HEMK2: variants seen among roughly 807,000 people sequenced by gnomAD.
HEMK2 encodes HemK methyltransferase 2, ETF1 glutamine and histone H4 lysine, also known as methyltransferase HEMK2.
chr21:28,705,866 AG>A, the HEMK2 span, among the ~76,000 whole-genome samples: 1 of 152,226 alleles, frequency 6.6e-6, no homozygotes, highest in Non-Finnish European at 1.5e-5. Flanking sequence ...ACAAAAATGC[AG>A]AGAAATGCAA....
chr21:28,669,602 C>T, the HEMK2 span, among the ~76,000 whole-genome samples: 1 of 152,174 alleles, frequency 6.6e-6, no homozygotes, highest in Non-Finnish European at 1.5e-5. Context: ...AACAGCTTTT[C>T]CTGGTAGCTG....
chr21:28,738,257 G>C, the HEMK2 span, among the ~76,000 whole-genome samples: 1 of 152,152 alleles, frequency 6.6e-6, no homozygotes, highest in South Asian at 2.1e-4. Flanking sequence ...AAGCAATAAA[G>C]CAGTGTTTCT....
chr21:28,815,989 G>GT, the HEMK2 span, among the ~76,000 whole-genome samples: 2 of 152,176 alleles, frequency 1.3e-5, no homozygotes, highest in African/African-American at 4.8e-5. Flanking sequence ...AGTGTGGGCT[G>GT]TAACACAATC....
the HEMK2 span, among the ~76,000 whole-genome samples, chr21:28,777,121 A>T: frequency 6.6e-6 from 1 of 152,238 alleles, no homozygotes; most frequent in Non-Finnish European, 1.5e-5. Context: ...AATCCATTAG[A>T]ATGTTTTTGA....
At chr21:28,780,222 G>C in the HEMK2 span, among the ~76,000 whole-genome samples, 43 of 152,034 alleles carry the variant, frequency 2.8e-4, no homozygotes, top group African/African-American at 9.4e-4. Flanking sequence ...CTGTCTCCCA[G>C]GCTGGAGTGC....
the HEMK2 span, among the ~76,000 whole-genome samples, chr21:28,704,528 G>C: frequency 7.1e-6 from 1 of 141,280 alleles, no homozygotes; most frequent in African/African-American, 2.6e-5. Context: ...TTCATACCAT[G>C]ATATTCAGCA....
the HEMK2 span, among the ~76,000 whole-genome samples, chr21:28,770,328 A>T: frequency 6.6e-6 from 1 of 152,114 alleles, no homozygotes; most frequent in African/African-American, 2.4e-5. Context: ...CACCTAGTGT[A>T]ATCAAGCCCC....
the HEMK2 span, among the ~76,000 whole-genome samples, chr21:28,810,167 G>A: frequency 6.6e-6 from 1 of 152,018 alleles, no homozygotes; most frequent in African/African-American, 2.4e-5. Context: ...ACTATCTCTG[G>A]TACAGTGCTA....
At chr21:28,805,730 T>G in the HEMK2 span, among the ~76,000 whole-genome samples, 1 of 152,218 alleles carries the variant, frequency 6.6e-6, no homozygotes, top group African/African-American at 2.4e-5. Flanking sequence ...AGTCTCTGAC[T>G]TTGAATCCCT....
chr21:28,864,913 T>TATAGATAAGATAGATAGATAGATAGATAG, the HEMK2 span, among the ~76,000 whole-genome samples: 1,100 of 144,192 alleles, frequency 7.6e-3, 12 homozygotes, highest in Non-Finnish European at 0.011. Context: ...AGATAGATGA[T>TATAGATAAGATAGATAGATAGATAGATAG]ATAGATAGAT....
At chr21:28,818,043 A>C in the HEMK2 span, among the ~76,000 whole-genome samples, 1 of 152,144 alleles carries the variant, frequency 6.6e-6, no homozygotes, top group Admixed American at 6.5e-5. Flanking sequence ...TATTGTTCCT[A>C]GGTGTGTCTG....
the HEMK2 span, among the ~76,000 whole-genome samples, chr21:28,785,695 G>A: frequency 6.6e-6 from 1 of 152,018 alleles, no homozygotes; most frequent in African/African-American, 2.4e-5. Flanking sequence ...GGGCATTAGA[G>A]CAAGTCAAAT....
At chr21:28,623,681 G>A in the HEMK2 span, among the ~76,000 whole-genome samples, 685 of 152,218 alleles carry the variant, frequency 4.5e-3, 9 homozygotes, top group African/African-American at 0.016. Flanking sequence ...CATGTCCTTT[G>A]AGGGACATGG....
chr21:28,839,213 G>A, the HEMK2 span, among the ~76,000 whole-genome samples: 2 of 151,306 alleles, frequency 1.3e-5, no homozygotes, highest in African/African-American at 2.4e-5. Context: ...GCATACAAGG[G>A]ACATACCTTA....
the HEMK2 span, among the ~76,000 whole-genome samples, chr21:28,705,782 C>T: frequency 6.6e-6 from 1 of 152,130 alleles, no homozygotes; most frequent in East Asian, 1.9e-4. Flanking sequence ...AACGTTCTCG[C>T]CTTTTCCAGC....
the HEMK2 span, among the ~76,000 whole-genome samples, chr21:28,737,084 T>G: frequency 6.6e-6 from 1 of 152,196 alleles, no homozygotes; most frequent in African/African-American, 2.4e-5. Context: ...GCAGATTTTC[T>G]GTCCTCAGTG....
the HEMK2 span, among the ~76,000 whole-genome samples, chr21:28,742,848 T>G: frequency 0.23 from 34,745 of 151,954 alleles, 4,614 homozygotes; most frequent in African/African-American, 0.35. Flanking sequence ...GAAACGTTTT[T>G]CTAGCACAAC....
chr21:28,595,773 C>CTTTATTTATTTATTTATTTA, the HEMK2 span, among the ~76,000 whole-genome samples: 2,870 of 149,418 alleles, frequency 0.019, 79 homozygotes, highest in East Asian at 0.11. Flanking sequence ...TTTTATTTTA[C>CTTTATTTATTTATTTATTTA]TTTATTTATT....
the HEMK2 span, among the ~76,000 whole-genome samples, chr21:28,579,579 T>A: frequency 6.6e-6 from 1 of 152,156 alleles, no homozygotes; most frequent in Non-Finnish European, 1.5e-5. Context: ...TATTTTTTAA[T>A]GTTTTTATTA....
Sources: gnomAD v4.1 joint callset for allele counts (sites outside exome capture counted in the v4.1 genomes callset) on GRCh38, gnomAD v4.1.1 for gene constraint, MANE v1.5 for transcripts, NCBI Gene and HGNC (gene_info 2026-07-23, HGNC 2026-07-21) for gene names.